Variants in RAB2A observed in about 807,000 individuals in gnomAD.
RAB2A encodes the protein ras-related protein Rab-2A.
In RAB2A, 7 loss-of-function variants were observed where a neutral mutation model predicts 32.5. That is an observed-to-expected ratio of 0.22 (90% CI 0.12 to 0.40). The LOEUF is 0.40. Ranked by LOEUF, RAB2A falls within the 10% of genes least tolerant of loss-of-function variation. The pLI is 1.00. For missense variants in RAB2A, 108 were observed against 260.7 expected (o/e 0.41, Z 4.03); for synonymous variants, 79 against 85.2 (o/e 0.93, Z 0.40).
intron 1 of RAB2A, among the ~76,000 whole-genome samples, chr8:60,539,565 G>A (rs1807607194): frequency 6.6e-6 from 1 of 152,126 alleles, no homozygotes; most frequent in South Asian, 2.1e-4. Flanking sequence ...AATGAAGAAG[G>A]CATAAGTTCA....
At chr8:60,569,862 C>A (rs1483079075) in intron 2 of RAB2A, 15 of 407,598 alleles carry the variant, frequency 3.7e-5, no homozygotes, top group Admixed American at 3.1e-4. Context: ...AAACCCAATT[C>A]TAGCTAAGGT....
At chr8:60,546,935 T>C (rs1486248771) in intron 1 of RAB2A, among the ~76,000 whole-genome samples, 1 of 148,082 alleles carries the variant, frequency 6.8e-6, no homozygotes, top group Admixed American at 6.7e-5. Context: ...TCTTGGGTGT[T>C]TCTCGCAGAG....
At chr8:60,558,716 T>TTA in intron 1 of RAB2A, 136 bp from the exon 2 acceptor site, 1 of 734,768 alleles carries the variant, frequency 1.4e-6, no homozygotes, top group Non-Finnish European at 2.4e-6. Flanking sequence ...TTGCAAGAAA[T>TTA]TAGAGTACTG....
chr8:60,609,706 CTA>C (rs1228458017), intron 6 of RAB2A, among the ~76,000 whole-genome samples: 16 of 152,084 alleles, frequency 1.1e-4, no homozygotes, highest in Non-Finnish European at 1.3e-4. Context: ...TAGCTCACAC[CTA>C]TACTCCCAAC....
chr8:60,547,121 G>A (rs1284622838), intron 1 of RAB2A, among the ~76,000 whole-genome samples: 2 of 151,366 alleles, frequency 1.3e-5, no homozygotes, highest in African/African-American at 2.4e-5. Context: ...CTGCCTTCAA[G>A]CATCTGTTTA....
rs1804562760 is a variant in RAB2A at position 60,623,506 on chromosome 8, G to A, written c.*2737G>A. On this transcript the variant is annotated 3_prime_UTR_variant, in exon 8 of 8. Coordinates refer to ENST00000262646, the MANE Select transcript of RAB2A (RefSeq NM_002865.3). ...GCTAAAAGATACACAAAGAGATAAC[G>A]CTGTTTCATAATAAACAGGAATTGA... The A allele has an allele frequency of 1.3e-5, 2 of 152,088 alleles. No individual in the cohort carries two copies. The highest frequency in any genetic ancestry group is 2.4e-5 in the African/African-American group (1 of 41,402). The allele number at this position is 152,088 out of a possible 1,614,324, so 9.4% of individuals were successfully genotyped here. A position where few individuals can be genotyped will look rare whatever the true frequency, so the allele number is the denominator to read the frequency against.
At chr8:60,610,889 T>G (rs1460183344) in intron 6 of RAB2A, among the ~76,000 whole-genome samples, 3 of 152,216 alleles carry the variant, frequency 2.0e-5, no homozygotes, top group Non-Finnish European at 2.9e-5. Context: ...ACCAAGAGTT[T>G]CCCACTTGTA....
chr8:60,522,906 C>CTAGATTTGAGGTGGA (rs1455068223), intron 1 of RAB2A, among the ~76,000 whole-genome samples: 2 of 151,784 alleles, frequency 1.3e-5, no homozygotes, highest in East Asian at 3.9e-4. Context: ...TTTTGATTGA[C>CTAGATTTGAGGTGGA]TAGATTTGAG....
intron 1 of RAB2A, among the ~76,000 whole-genome samples, chr8:60,543,998 G>T (rs1426898312): frequency 6.7e-6 from 1 of 149,080 alleles, no homozygotes; most frequent in African/African-American, 2.5e-5. Flanking sequence ...GTGGGTGGAG[G>T]TTGCAGTGAG....
intron 5 of RAB2A, among the ~76,000 whole-genome samples, chr8:60,588,629 A>G (rs778417110): frequency 6.6e-6 from 1 of 152,248 alleles, no homozygotes; most frequent in East Asian, 1.9e-4. Context: ...ATGTGTACTA[A>G]TCTGTAGTGG....
chr8:60,592,318 A>C (rs1216344381), intron 6 of RAB2A, among the ~76,000 whole-genome samples: 1 of 152,144 alleles, frequency 6.6e-6, no homozygotes, highest in Non-Finnish European at 1.5e-5. Context: ...CTTTCAAATT[A>C]TGTTGAGCAA....
chr8:60,535,329 C>T (rs1807541316), intron 1 of RAB2A, among the ~76,000 whole-genome samples: 1 of 152,182 alleles, frequency 6.6e-6, no homozygotes, highest in Non-Finnish European at 1.5e-5. Flanking sequence ...TTACACTTTA[C>T]ATATGTAAGC....
intron 1 of RAB2A, among the ~76,000 whole-genome samples, chr8:60,533,895 G>A (rs902932833): frequency 8.5e-5 from 13 of 152,084 alleles, no homozygotes; most frequent in Non-Finnish European, 1.5e-4. Flanking sequence ...GCTTGAAGGC[G>A]GAGGTTGCAG....
intron 3 of RAB2A, among the ~76,000 whole-genome samples, chr8:60,579,989 T>C (rs1803713809): frequency 7.1e-6 from 1 of 141,682 alleles, no homozygotes; most frequent in African/African-American, 2.7e-5. Context: ...GATAGGTATA[T>C]ATTAAAGCAC....
chr8:60,517,026 C>G lies in RAB2A; in HGVS notation c.-182C>G. ...CTCGGTCGGGCGCTGTCTCCCTCGG[C>G]TCTGCGGGTGTCAGTTCGTCCGGCT... On this transcript the variant is annotated 5_prime_UTR_variant, in exon 1 of 8. Coordinates refer to ENST00000262646, the MANE Select transcript of RAB2A (RefSeq NM_002865.3). The G allele has an allele frequency of 1.9e-6, 1 of 526,620 alleles. No homozygotes were observed. 32.6% of individuals were successfully genotyped at this position (526,620 alleles called of 1,614,324 possible).
chr8:60,540,327 GAAAAT>G (rs974800064), intron 1 of RAB2A, among the ~76,000 whole-genome samples: 1 of 151,844 alleles, frequency 6.6e-6, no homozygotes, highest in African/African-American at 2.4e-5. Context: ...CAGTGGTAAT[GAAAAT>G]AAAAGGAGGT....
intron 1 of RAB2A, 135 bp from the exon 2 acceptor site, chr8:60,558,717 T>TA (rs1167444373): frequency 1.8e-5 from 13 of 735,278 alleles, no homozygotes; most frequent in African/African-American, 3.5e-5. Context: ...TGCAAGAAAT[T>TA]AGAGTACTGA....
chr8:60,563,086 A>G (rs1808048823), intron 2 of RAB2A, among the ~76,000 whole-genome samples: 1 of 152,218 alleles, frequency 6.6e-6, no homozygotes, highest in Non-Finnish European at 1.5e-5. Context: ...AATAAGTAGT[A>G]AGACAGTATC....
At position 60,605,014 on chromosome 8, in the gene RAB2A, C is replaced by G. The variant is rs973510263; in HGVS notation, c.474+13045C>G. Among the ~76,000 whole-genome samples, 12 of 152,330 alleles carry G rather than the reference C, an allele frequency of 7.9e-5. No individual in the cohort carries two copies. In the South Asian group the frequency reaches 1.9e-3, roughly 24 times the overall value. On this transcript the variant is annotated intron_variant, in intron 6 of 7. Transcript: ENST00000262646. The stretch of plus-strand genomic sequence containing the variant: ...AGACTTCACAGGAGCCCCTCCCTCA[C>G]AGGCTCAGAGGCCTAGGAAGGAAGA...
Sources: gnomAD v4.1 joint callset for allele counts (sites outside exome capture counted in the v4.1 genomes callset) on GRCh38, gnomAD v4.1.1 for gene constraint, MANE v1.5 for transcripts, NCBI Gene and HGNC (gene_info 2026-07-23, HGNC 2026-07-21) for gene names.